The following KCNMA1 variants were observed in gnomAD, a reference collection of about 807,000 sequenced individuals.
KCNMA1 encodes potassium calcium-activated channel subfamily M alpha 1.
A neutral mutation model predicts 140.0 loss-of-function variants in KCNMA1; 29 were observed. The ratio of observed to expected loss-of-function variants is 0.21; its 90% CI spans 0.15 to 0.28. The LOEUF is 0.28. KCNMA1 is among the 10% of genes least tolerant of loss of function. KCNMA1 has a pLI of 1.00. For missense variants in KCNMA1, 880 were observed against 1,602.2 expected (o/e 0.55, Z 7.70); for synonymous variants, 612 against 611.9 (o/e 1.00, Z 0.00).
At chr10:76,899,395 A>G (rs1184265922) in intron 25 of KCNMA1, among the ~76,000 whole-genome samples, 4 of 152,220 alleles carry the variant, frequency 2.6e-5, no homozygotes, top group Non-Finnish European at 5.9e-5. Context: ...TAGAAGATCA[A>G]CCAGAATGGA....
intron 2 of KCNMA1, among the ~76,000 whole-genome samples, chr10:77,325,261 T>C (rs1254936219): frequency 6.6e-6 from 1 of 152,216 alleles, no homozygotes; most frequent in Non-Finnish European, 1.5e-5. Flanking sequence ...CCTCCTTCCC[T>C]GCCACAGTGA....
chr10:77,488,483 G>C (rs573818900), intron 1 of KCNMA1, among the ~76,000 whole-genome samples: 45 of 152,304 alleles, frequency 3.0e-4, no homozygotes, highest in African/African-American at 1.1e-3. Context: ...AGGGGTGTGG[G>C]ATAAGGCAAG....
In KCNMA1 at chr10:77,637,735, A is replaced by ACCG. The variant is rs2093913378; in HGVS notation, c.-94_-93insCGG. On this transcript the variant is annotated 5_prime_UTR_variant, in exon 1 of 28. Coordinates refer to ENST00000286628, the MANE Select transcript of KCNMA1 (RefSeq NM_001161352.2). ...ACCCATCAACAGCCATATTGCTGCT[A>ACCG]CTGCTGCCGCCGCCGCCGCCGCCGC... 8.0e-7 allele frequency: 1 copy of ACCG among 1,247,112 alleles called. No individual in the cohort carries two copies. The allele number at this position is 1,247,112 out of a possible 1,614,324, so 77.3% of individuals were successfully genotyped here.
intron 1 of KCNMA1, among the ~76,000 whole-genome samples, chr10:77,494,105 A>G (rs1201566502): frequency 6.6e-6 from 1 of 152,234 alleles, no homozygotes. Context: ...AATAACCGCA[A>G]CACAGGGCTG....
chr10:77,548,183 C>CA (rs1443698016), intron 1 of KCNMA1, among the ~76,000 whole-genome samples: 2 of 151,968 alleles, frequency 1.3e-5, no homozygotes, highest in African/African-American at 4.8e-5. Context: ...CACAGGAAGC[C>CA]AAAAAAGGAA....
chr10:77,384,756 G>A (rs1378821438), intron 2 of KCNMA1, among the ~76,000 whole-genome samples: 1 of 152,194 alleles, frequency 6.6e-6, no homozygotes, highest in Non-Finnish European at 1.5e-5. Context: ...ACCTGCCCAA[G>A]CTGACTTACA....
rs532825971 is a variant in KCNMA1, at chr10:77,628,348, C to T, written c.378+8917G>A. ...GCAGTTAACAGATGGAAATTAACTT[C>T]ACTTCAAGTCAAAAACCTAAAATCT... On this transcript the variant is annotated intron_variant, in intron 1 of 27. Coordinates refer to ENST00000286628, the MANE Select transcript of KCNMA1 (RefSeq NM_001161352.2). Among the ~76,000 whole-genome samples, 4 of 152,310 alleles carry T rather than the reference C, an allele frequency of 2.6e-5. No individual in the cohort carries two copies. In the East Asian group the frequency reaches 7.7e-4, roughly 29 times the overall value.
At chr10:77,050,681 C>T (rs547729041) in intron 14 of KCNMA1, among the ~76,000 whole-genome samples, 1 of 152,350 alleles carries the variant, frequency 6.6e-6, no homozygotes, top group Admixed American at 6.5e-5. Context: ...GACACTGATG[C>T]TTCCCCTATA....
At chr10:77,228,544 C>T (rs1333420319) in intron 3 of KCNMA1, among the ~76,000 whole-genome samples, 1 of 152,200 alleles carries the variant, frequency 6.6e-6, no homozygotes, top group East Asian at 1.9e-4. Flanking sequence ...GTCCCTGAGC[C>T]ACCTCTACAA....
chr10:77,565,419 C>T (rs530502648), intron 1 of KCNMA1, among the ~76,000 whole-genome samples: 1 of 152,142 alleles, frequency 6.6e-6, no homozygotes, highest in African/African-American at 2.4e-5. Flanking sequence ...GTTAATATGA[C>T]AGTTAAGATG....
intron 2 of KCNMA1, among the ~76,000 whole-genome samples, chr10:77,308,215 C>T (rs1340046564): frequency 2.6e-5 from 4 of 152,094 alleles, no homozygotes; most frequent in Non-Finnish European, 2.9e-5. Flanking sequence ...TAGAGTTGCC[C>T]TTGAGTCCTA....
chr10:76,888,616 T>C (rs1201406436), intron 27 of KCNMA1, among the ~76,000 whole-genome samples: 1 of 152,198 alleles, frequency 6.6e-6, no homozygotes, highest in East Asian at 1.9e-4. Flanking sequence ...TTAATGCATA[T>C]GAGAAAAATA....
At chr10:77,546,388 C>T (rs1245312567) in intron 1 of KCNMA1, among the ~76,000 whole-genome samples, 2 of 141,284 alleles carry the variant, frequency 1.4e-5, no homozygotes, top group Non-Finnish European at 3.1e-5. Context: ...TCCACCCCCA[C>T]AGGGAAAAAG....
At chr10:77,090,923 T>C (rs966344662) in intron 9 of KCNMA1, 1 of 249,356 alleles carries the variant, frequency 4.0e-6, no homozygotes, top group East Asian at 9.0e-5. Flanking sequence ...GTTTATGACA[T>C]AGAGCTTATC....
intron 1 of KCNMA1, among the ~76,000 whole-genome samples, chr10:77,500,818 T>A (rs545050742): frequency 7.3e-4 from 111 of 152,366 alleles, no homozygotes; most frequent in African/African-American, 2.5e-3. Context: ...ATTTCTGCGT[T>A]AACTGGTCAA....
intron 3 of KCNMA1, among the ~76,000 whole-genome samples, chr10:77,202,188 T>C (rs879806865): frequency 3.3e-5 from 5 of 152,192 alleles, no homozygotes; most frequent in Non-Finnish European, 5.9e-5. Flanking sequence ...TAATACTGTG[T>C]TCAATTCCAA....
At chr10:77,617,513 A>C (rs1489265378) in intron 1 of KCNMA1, among the ~76,000 whole-genome samples, 4 of 152,222 alleles carry the variant, frequency 2.6e-5, no homozygotes, top group Non-Finnish European at 5.9e-5. Context: ...AGTAGCTTTC[A>C]AGCTGCAGAC....
intron 5 of KCNMA1, among the ~76,000 whole-genome samples, chr10:77,141,967 C>G (rs1265293633): frequency 6.6e-6 from 1 of 152,154 alleles, no homozygotes; most frequent in Non-Finnish European, 1.5e-5. Flanking sequence ...TGCTGATTAA[C>G]AGGAACAATG....
chr10:77,271,739 T>G (rs1324753227), intron 2 of KCNMA1, among the ~76,000 whole-genome samples: 3 of 152,060 alleles, frequency 2.0e-5, no homozygotes, highest in Admixed American at 2.0e-4. Context: ...AAAAAAAATC[T>G]CTCATTGTGA....
Sources: allele counts gnomAD v4.1 joint callset (sites outside exome capture counted in the v4.1 genomes callset), GRCh38; gene constraint gnomAD v4.1.1; transcripts MANE v1.5; gene names NCBI Gene and HGNC (gene_info 2026-07-23, HGNC 2026-07-21).